The following CRACD variants were observed in gnomAD, a reference collection of about 807,000 sequenced individuals.
CRACD encodes the protein capping protein inhibiting regulator of actin dynamics.
In CRACD, 56 loss-of-function variants were observed where a neutral mutation model predicts 106.8. The observed-to-expected ratio is 0.52, with a 90% confidence interval of 0.42 to 0.66. The LOEUF is 0.66. Ranked by LOEUF, CRACD falls within the 30% of genes least tolerant of loss-of-function variation. The pLI is 0.00. For missense variants in CRACD, 1,730 were observed against 1,623.2 expected, an observed-to-expected ratio of 1.07 and a Z score of -1.13; for synonymous variants, 754 against 670.8, an observed-to-expected ratio of 1.12 and a Z score of -1.92.
chr4:56,306,988 T>TTCTGGTTTGGGG (rs1254721702), intron 4 of CRACD, among the ~76,000 whole-genome samples: 1 of 152,312 alleles, frequency 6.6e-6, no homozygotes. Flanking sequence ...GAATGCAATG[T>TTCTGGTTTGGGG]TCTGGTTTGG....
chr4:56,215,133 C>T (rs1418561237), intron 2 of CRACD, among the ~76,000 whole-genome samples: 2 of 152,178 alleles, frequency 1.3e-5, no homozygotes, highest in Non-Finnish European at 2.9e-5. Context: ...CCTCAGCCTC[C>T]CAAGTAGCTA....
Position 56,162,371 on chromosome 4 carries a change from GT to G in CRACD, c.-335-16906del, listed in dbSNP as rs559007468. Among the ~76,000 whole-genome samples the G allele has an allele frequency of 1.8e-4, 27 of 151,828 alleles. No homozygotes were observed. In the South Asian group the frequency reaches 5.4e-3, roughly 30 times the overall value. ...CACCATGCCCCTGCTAATTCTTGTGGTTTTTTTGTTTTTGTTTTAAGAAATA... is the reference window on the plus strand; with the variant it reads ...CACCATGCCCCTGCTAATTCTTGTGGTTTTTTGTTTTTGTTTTAAGAAATA... On this transcript the variant is annotated intron_variant, in intron 1 of 10. Transcript: ENST00000682029.
intron 3 of CRACD, among the ~76,000 whole-genome samples, chr4:56,294,235 A>G (rs1480585136): frequency 8.6e-5 from 13 of 152,028 alleles, no homozygotes; most frequent in Middle Eastern, 3.4e-3. Context: ...AAAAAAAAAA[A>G]AGAATCAGCA....
In CRACD at chr4:56,159,172, G is replaced by C. The variant is rs574205900; in HGVS notation, c.-335-20112G>C. Among the ~76,000 whole-genome samples the C allele has an allele frequency of 5.3e-5, 8 of 152,278 alleles. No individual in the cohort carries two copies. In the South Asian group the frequency reaches 1.7e-3, roughly 32 times the overall value. ...TTACTTAAAGGAAAAGTATTCACAG[G>C]GGAAAACATTCTAGCACTGACTGCT... On this transcript the variant is annotated intron_variant, in intron 1 of 10. Transcript: ENST00000682029.
At chr4:56,109,706 A>T (rs1734057380) in intron 1 of CRACD, among the ~76,000 whole-genome samples, 1 of 152,126 alleles carries the variant, frequency 6.6e-6, no homozygotes, top group African/African-American at 2.4e-5. Flanking sequence ...AAAATTAAAT[A>T]TAAAAACATT....
At chr4:56,061,243 G>T (rs377194420) in intron 1 of CRACD, among the ~76,000 whole-genome samples, 2 of 152,122 alleles carry the variant, frequency 1.3e-5, no homozygotes, top group Non-Finnish European at 2.9e-5. Context: ...CAATCATGGC[G>T]CACGGCAGCC....
intron 2 of CRACD, among the ~76,000 whole-genome samples, chr4:56,216,936 C>T (rs553369136): frequency 2.1e-5 from 3 of 143,348 alleles, no homozygotes; most frequent in South Asian, 4.5e-4. Flanking sequence ...GCCGAGATTG[C>T]GCCACTGCAG....
At chr4:56,050,166 G>T (rs1378155944) in intron 1 of CRACD, among the ~76,000 whole-genome samples, 1 of 152,170 alleles carries the variant, frequency 6.6e-6, no homozygotes, top group African/African-American at 2.4e-5. Context: ...CATTGATTCA[G>T]TGGAGGGGGA....
intron 1 of CRACD, among the ~76,000 whole-genome samples, chr4:56,080,328 C>T (rs1360796723): frequency 6.6e-6 from 1 of 151,916 alleles, no homozygotes; most frequent in Admixed American, 6.6e-5. Flanking sequence ...TATTTTTTTT[C>T]CAGAGATGAT....
chr4:56,233,683 T>C (rs1383142025), intron 2 of CRACD, among the ~76,000 whole-genome samples: 1 of 152,222 alleles, frequency 6.6e-6, no homozygotes, highest in Non-Finnish European at 1.5e-5. Context: ...TTGGCAACTT[T>C]AGATACTTCG....
At chr4:56,206,417 G>T (rs1403331034) in intron 2 of CRACD, among the ~76,000 whole-genome samples, 4 of 152,154 alleles carry the variant, frequency 2.6e-5, no homozygotes, top group Non-Finnish European at 4.4e-5. Context: ...CCTGGAAATT[G>T]CCTGTATCCC....
At chr4:56,136,169 T>C (rs922814902) in intron 1 of CRACD, among the ~76,000 whole-genome samples, 3 of 152,220 alleles carry the variant, frequency 2.0e-5, no homozygotes, top group Non-Finnish European at 4.4e-5. Context: ...CTTCTGTTGA[T>C]AGAAATTTAG....
Position 56,162,409 on chromosome 4 carries a change from A to G in CRACD, c.-335-16875A>G, listed in dbSNP as rs368047086. ...TGTTTTAAGAAATAGGGGTCTGGCTATGTTGTCCAGGCTGGTCTTGAACTC... is the reference window on the plus strand; with the variant it reads ...TGTTTTAAGAAATAGGGGTCTGGCTGTGTTGTCCAGGCTGGTCTTGAACTC... On this transcript the variant is annotated intron_variant, in intron 1 of 10. Coordinates refer to ENST00000682029, the MANE Select transcript of CRACD (RefSeq NM_001393381.1). Among the ~76,000 whole-genome samples, 9 of 151,988 alleles carry G rather than the reference A, an allele frequency of 5.9e-5. No homozygotes were observed. In the South Asian group the frequency reaches 1.7e-3, roughly 28 times the overall value.
chr4:56,317,431 A>G, intron 8 of CRACD, among the ~76,000 whole-genome samples: 1 of 152,218 alleles, frequency 6.6e-6, no homozygotes, highest in East Asian at 1.9e-4. Flanking sequence ...CACTCTTGAT[A>G]ATGATACTTA....
At chr4:56,230,575 A>T (rs1252283658) in intron 2 of CRACD, among the ~76,000 whole-genome samples, 2 of 152,134 alleles carry the variant, frequency 1.3e-5, no homozygotes, top group Non-Finnish European at 2.9e-5. Context: ...TTTCTAGAAA[A>T]TGAAGGGATT....
At chr4:56,130,313 C>T (rs1049092530) in intron 1 of CRACD, among the ~76,000 whole-genome samples, 31 of 152,118 alleles carry the variant, frequency 2.0e-4, no homozygotes, top group African/African-American at 7.0e-4. Context: ...ATCTAAAAAT[C>T]CTAAATCTCC....
chr4:56,310,105 T>C (rs1292844117), intron 5 of CRACD, among the ~76,000 whole-genome samples: 1 of 151,992 alleles, frequency 6.6e-6, no homozygotes, highest in Non-Finnish European at 1.5e-5. Context: ...GGGGGTCTCC[T>C]GGGCATGCCT....
At chr4:56,135,568 G>A (rs1472203011) in intron 1 of CRACD, among the ~76,000 whole-genome samples, 1 of 152,176 alleles carries the variant, frequency 6.6e-6, no homozygotes, top group African/African-American at 2.4e-5. Context: ...ACATCCATCT[G>A]TGTTTTCTGT....
chr4:56,230,370 C>A (rs1469508215), intron 2 of CRACD, among the ~76,000 whole-genome samples: 1 of 152,084 alleles, frequency 6.6e-6, no homozygotes, highest in South Asian at 2.1e-4. Flanking sequence ...AGTTGAAAAG[C>A]AGGTATACAT....
Sources: gnomAD v4.1 joint callset for allele counts (sites outside exome capture counted in the v4.1 genomes callset) on GRCh38, gnomAD v4.1.1 for gene constraint, MANE v1.5 for transcripts, NCBI Gene and HGNC (gene_info 2026-07-23, HGNC 2026-07-21) for gene names.